The following GBE1 variants were observed in gnomAD, a reference collection of about 807,000 sequenced individuals.
GBE1 encodes the protein 1,4-alpha-glucan-branching enzyme.
GBE1 carries 70 observed loss-of-function variants against 88.8 expected under a neutral mutation model. The ratio of observed to expected loss-of-function variants is 0.79; its 90% confidence interval spans 0.65 to 0.96. The LOEUF (loss-of-function observed/expected upper bound fraction) is 0.96, where lower values mean the gene tolerates loss of function less well. Ranked by LOEUF, GBE1 falls within the 40% of genes least tolerant of loss-of-function variation. GBE1 has a pLI of 0.00. For missense variants in GBE1, 872 were observed against 871.0 expected (o/e 1.00, Z -0.01); for synonymous variants, 284 against 300.1 (o/e 0.95, Z 0.56).
chr3:81,531,412 C>A (rs1173765560), intron 14 of GBE1, among the ~76,000 whole-genome samples: 1 of 151,798 alleles, frequency 6.6e-6, no homozygotes, highest in Non-Finnish European at 1.5e-5. Flanking sequence ...CCATGGCCAA[C>A]ACATCTGGGA....
In GBE1 at chr3:81,750,633, A is replaced by ATATGTATATATATATATG. The variant is rs1706506670; in HGVS notation, c.143+10741_143+10742insCATATATATATATACATA. Among the ~76,000 whole-genome samples, 5 of 42,078 alleles carry ATATGTATATATATATATG rather than the reference A, an allele frequency of 1.2e-4. 1 individual carries two copies. The highest frequency in any genetic ancestry group is 7.8e-5 in the Non-Finnish European group (2 of 25,702). The allele number at this position is 42,078 out of a possible 152,430, so 27.6% of individuals were successfully genotyped here. On this transcript the variant is annotated intron_variant, in intron 1 of 15. Coordinates refer to ENST00000429644, the MANE Select transcript of GBE1 (RefSeq NM_000158.4). ...TATATATATGTATATATATATACGT[A>ATATGTATATATATATATG]TATATATATATGTATATATATATAT...
chr3:81,612,496 CA>C, intron 7 of GBE1: 1 of 1,025,664 alleles, frequency 9.7e-7, no homozygotes, highest in Non-Finnish European at 1.5e-6. Flanking sequence ...CAACTCTGGT[CA>C]AATAATGCAG....
chr3:81,542,063 T>C (rs1325125443), intron 12 of GBE1, among the ~76,000 whole-genome samples: 2 of 152,104 alleles, frequency 1.3e-5, no homozygotes, highest in Admixed American at 6.6e-5. Flanking sequence ...TCCACATCTG[T>C]ATATTTATAT....
chr3:81,621,524 C>T (rs2107014037), intron 7 of GBE1, among the ~76,000 whole-genome samples: 1 of 152,258 alleles, frequency 6.6e-6, no homozygotes, highest in East Asian at 1.9e-4. Flanking sequence ...GGCTGTTCCA[C>T]AAGCCAAAAT....
chr3:81,497,948 T>C (rs1702540074), intron 15 of GBE1, among the ~76,000 whole-genome samples: 1 of 152,236 alleles, frequency 6.6e-6, no homozygotes, highest in South Asian at 2.1e-4. Context: ...CCTTTAAGAA[T>C]GTGATAGCAC....
At position 81,605,653 on chromosome 3, in the gene GBE1, T is replaced by C. The variant is rs114309436; in HGVS notation, c.993-11630A>G. The stretch of plus-strand genomic sequence containing the variant: ...GAATTATTTCATGTAATTCCCTCAA[T>C]AACCCTCAAAGGTGCACATAATAAT... On this transcript the variant is annotated intron_variant, in intron 7 of 15. Coordinates refer to ENST00000429644, the MANE Select transcript of GBE1 (RefSeq NM_000158.4). Among the ~76,000 whole-genome samples, 637 of 152,252 alleles carry C rather than the reference T, an allele frequency of 4.2e-3. 6 individuals carry two copies. The highest frequency in any genetic ancestry group is 0.024 in the Middle Eastern group (7 of 292).
intron 7 of GBE1, among the ~76,000 whole-genome samples, chr3:81,621,079 C>A (rs1397407283): frequency 1.3e-5 from 2 of 152,130 alleles, no homozygotes; most frequent in Non-Finnish European, 2.9e-5. Context: ...AATTCCTTGT[C>A]TTTATAAATT....
At chr3:81,617,697 T>C (rs981376578) in intron 7 of GBE1, among the ~76,000 whole-genome samples, 1 of 151,972 alleles carries the variant, frequency 6.6e-6, no homozygotes, top group African/African-American at 2.4e-5. Flanking sequence ...ACTATCTTTA[T>C]CTGGTTCTAA....
chr3:81,740,282 TTTAA>T (rs1706327541), intron 1 of GBE1, among the ~76,000 whole-genome samples: 1 of 117,362 alleles, frequency 8.5e-6, no homozygotes, highest in African/African-American at 3.6e-5. Flanking sequence ...TTATTTATTA[TTTAA>T]TCTATTCTTT....
chr3:81,761,374 C>G lies in GBE1; in HGVS notation c.143+1G>C. On this transcript the variant is annotated splice_donor_variant, in intron 1 of 15. Coordinates refer to ENST00000429644, the MANE Select transcript of GBE1 (RefSeq NM_000158.4). LOFTEE classifies it high-confidence loss of function. ...TGGGGGTGGTGGGATTCCGGCGGTACCTGCGCTGGAAGTCCACGGCGTAGG... is the reference window on the plus strand; with the variant it reads ...TGGGGGTGGTGGGATTCCGGCGGTAGCTGCGCTGGAAGTCCACGGCGTAGG... The G allele has an allele frequency of 6.2e-7, 1 of 1,605,686 alleles. No individual in the cohort carries two copies.
intron 7 of GBE1, among the ~76,000 whole-genome samples, chr3:81,621,436 G>C (rs1422990049): frequency 1.3e-5 from 2 of 152,088 alleles, no homozygotes; most frequent in East Asian, 3.9e-4. Context: ...GATCCTAAGA[G>C]ACTGCCCTCC....
intron 2 of GBE1, 41 bp downstream of exon 2, chr3:81,705,403 A>T: frequency 4.6e-6 from 6 of 1,304,798 alleles, no homozygotes; most frequent in Non-Finnish European, 6.3e-6. Flanking sequence ...TAAATAGTTA[A>T]TAAGATATTA....
intron 7 of GBE1, chr3:81,612,643 C>A (rs770493284): frequency 1.7e-6 from 1 of 572,922 alleles, no homozygotes; most frequent in Non-Finnish European, 3.4e-6. Context: ...TGTTACATTT[C>A]TATTCGACTT....
intron 1 of GBE1, among the ~76,000 whole-genome samples, chr3:81,737,367 T>TAAA (rs1706277144): frequency 6.6e-5 from 2 of 30,210 alleles, no homozygotes; most frequent in Non-Finnish European, 1.4e-4. Context: ...ATTTATATAT[T>TAAA]TATATATATT....
At chr3:81,698,060 A>G (rs1705628037) in intron 2 of GBE1, among the ~76,000 whole-genome samples, 1 of 146,966 alleles carries the variant, frequency 6.8e-6, no homozygotes, top group Admixed American at 6.8e-5. Flanking sequence ...TTATATATAT[A>G]TATGTGTATA....
chr3:81,687,137 C>A (rs905922047), intron 2 of GBE1, among the ~76,000 whole-genome samples: 1 of 152,180 alleles, frequency 6.6e-6, no homozygotes, highest in African/African-American at 2.4e-5. Context: ...TTGCTATGCA[C>A]ACACAGGTTT....
intron 1 of GBE1, among the ~76,000 whole-genome samples, chr3:81,754,121 C>A (rs966649302): frequency 1.3e-5 from 2 of 152,204 alleles, no homozygotes; most frequent in Admixed American, 1.3e-4. Flanking sequence ...TTGCAGAATA[C>A]AAAATCGAAA....
chr3:81,718,988 C>G (rs1705981994), intron 1 of GBE1, among the ~76,000 whole-genome samples: 1 of 151,938 alleles, frequency 6.6e-6, no homozygotes, highest in African/African-American at 2.4e-5. Context: ...ATCTTGTATA[C>G]TCAGTTTAAA....
At chr3:81,567,561 C>T (rs1261376032) in intron 12 of GBE1, among the ~76,000 whole-genome samples, 1 of 152,216 alleles carries the variant, frequency 6.6e-6, no homozygotes, top group Non-Finnish European at 1.5e-5. Flanking sequence ...TAACCTGACT[C>T]TAGCCTTATT....
Sources: gnomAD v4.1 joint callset for allele counts (sites outside exome capture counted in the v4.1 genomes callset) on GRCh38, gnomAD v4.1.1 for gene constraint, MANE v1.5 for transcripts, NCBI Gene and HGNC (gene_info 2026-07-23, HGNC 2026-07-21) for gene names.